Variants in HABP2 observed in about 807,000 individuals in gnomAD.
HABP2 encodes factor VII-activating protease.
HABP2 carries 65 observed loss-of-function variants against 66.5 expected under a neutral mutation model. That is an observed-to-expected ratio of 0.98 (90% confidence interval 0.80 to 1.20). The LOEUF (loss-of-function observed/expected upper bound fraction) is 1.20. HABP2 is among the 50% of genes most tolerant of loss of function. HABP2 has a pLI of 0.00. For missense variants in HABP2, 786 were observed against 691.0 expected (o/e 1.14, Z -1.54); for synonymous variants, 263 against 253.9 (o/e 1.04, Z -0.34).
At chr10:113,571,073 G>T (rs1054922939) in intron 2 of HABP2, among the ~76,000 whole-genome samples, 1 of 152,124 alleles carries the variant, frequency 6.6e-6, no homozygotes, top group Non-Finnish European at 1.5e-5. Flanking sequence ...CCTGTGTGTC[G>T]GTTTGTTATT....
At position 113,588,978 on chromosome 10, in the gene HABP2, C is replaced by T. The variant is rs1377072402; in HGVS notation, c.*609C>T. The T allele has an allele frequency of 1.9e-6, 3 of 1,612,846 alleles. No individual in the cohort carries two copies. In the Admixed American group the frequency reaches 5.0e-5, roughly 27 times the overall value. ...CAGGAATCAGGGTGGACATGGCTCA[C>T]AACAGCAGGGCCTTCTTCTTTTTGA... On this transcript the variant is annotated 3_prime_UTR_variant, in exon 13 of 13. Coordinates refer to ENST00000351270, the MANE Select transcript of HABP2 (RefSeq NM_004132.5).
rs759883557 is a variant in HABP2 at position 113,576,046 on chromosome 10, A to G, written c.331+42A>G. Reference sequence around the variant, plus strand: ...TAGTCCACTCTTCCCTCTGAGTTAAACAAGAGGCAGTCCTTTCTGTGTGAG... The same window carrying G: ...TAGTCCACTCTTCCCTCTGAGTTAAGCAAGAGGCAGTCCTTTCTGTGTGAG... On this transcript the variant is annotated intron_variant, in intron 4 of 12. Transcript: ENST00000351270. 2.9e-6 allele frequency: 3 copies of G among 1,048,272 alleles called. No homozygotes were observed. The South Asian group carries it at 3.8e-5, about 13-fold the overall frequency. 64.9% of individuals were successfully genotyped at this position (1,048,272 alleles called of 1,614,324 possible). A position where few individuals can be genotyped will look rare whatever the true frequency, so the allele number is the denominator to read the frequency against.
At position 113,558,792 on chromosome 10, in the gene HABP2, G is replaced by C. The variant is rs1167269628; in HGVS notation, c.69+5602G>C. ...TGACTGACCAAAAAGGGAAACATGG[G>C]GGCTTGTGCTTATGAGGCGGCCCCA... On this transcript the variant is annotated intron_variant, in intron 1 of 12. Transcript: ENST00000351270. 2.0e-5 allele frequency among the ~76,000 whole-genome samples: 3 copies of C among 152,288 alleles called. No individual in the cohort carries two copies. In the East Asian group the frequency reaches 5.8e-4, roughly 29 times the overall value.
intron 2 of HABP2, among the ~76,000 whole-genome samples, chr10:113,568,151 A>G (rs1022878843): frequency 4.6e-5 from 7 of 152,194 alleles, no homozygotes; most frequent in Admixed American, 1.3e-4. Context: ...TGCGCAAGCT[A>G]AGCAGGGCCA....
intron 5 of HABP2, among the ~76,000 whole-genome samples, chr10:113,577,622 A>G (rs1482226762): frequency 6.6e-6 from 1 of 152,196 alleles, no homozygotes; most frequent in Non-Finnish European, 1.5e-5. Context: ...TTCTCCAAAG[A>G]CACCTCAAGG....
chr10:113,579,497 A>G (rs565753875), intron 7 of HABP2, among the ~76,000 whole-genome samples: 12 of 152,352 alleles, frequency 7.9e-5, no homozygotes, highest in African/African-American at 2.9e-4. Flanking sequence ...TTCTAGGCAG[A>G]GATGGAGAAG....
chr10:113,576,774 C>T (rs756652480), intron 4 of HABP2, among the ~76,000 whole-genome samples: 43 of 152,118 alleles, frequency 2.8e-4, no homozygotes, highest in Admixed American at 4.6e-4. Context: ...TTGAGAATAT[C>T]GAGTATAAAC....
At position 113,568,008 on chromosome 10, in the gene HABP2, A is replaced by C. The variant is rs112364037; in HGVS notation, c.106+483A>C. 5.8e-3 allele frequency among the ~76,000 whole-genome samples: 884 copies of C among 152,308 alleles called. 5 individuals carry two copies. The highest frequency in any genetic ancestry group is 0.02 in the African/African-American group (842 of 41,570). On this transcript the variant is annotated intron_variant, in intron 2 of 12. Coordinates refer to ENST00000351270, the MANE Select transcript of HABP2 (RefSeq NM_004132.5). ...ACCTCTGCTGTTGTCTTCTCTGCCCAAATGGTTTGCTTCCTCAGGCTCGAC... is the reference window on the plus strand; with the variant it reads ...ACCTCTGCTGTTGTCTTCTCTGCCCCAATGGTTTGCTTCCTCAGGCTCGAC...
intron 1 of HABP2, among the ~76,000 whole-genome samples, chr10:113,559,512 C>T (rs1448248251): frequency 6.6e-6 from 1 of 152,194 alleles, no homozygotes; most frequent in Non-Finnish European, 1.5e-5. Context: ...AGAAGCTTCA[C>T]ACCCAAGAGA....
At position 113,567,771 on chromosome 10, in the gene HABP2, C is replaced by G. The variant is rs7068166; in HGVS notation, c.106+246C>G. 0.32 allele frequency among the ~76,000 whole-genome samples: 47,925 copies of G among 151,936 alleles called. 7,858 individuals are homozygous for G. Among genetic ancestry groups the G allele is most frequent in the Non-Finnish European group, 0.38 (25,799 of 67,922 alleles). On this transcript the variant is annotated intron_variant, in intron 2 of 12. Transcript: ENST00000351270. ...TCCCAAGGGAAATACTGCCTACGTA[C>G]TTAAAACCCTTGATTTTATAAAGAA...
At chr10:113,583,852 C>G (rs1208808939) in intron 10 of HABP2, among the ~76,000 whole-genome samples, 1 of 152,216 alleles carries the variant, frequency 6.6e-6, no homozygotes, top group Non-Finnish European at 1.5e-5. Context: ...GAGACACCCC[C>G]CCACCTCTCT....
intron 2 of HABP2, among the ~76,000 whole-genome samples, chr10:113,570,807 C>T (rs1000729073): frequency 5.9e-5 from 9 of 152,172 alleles, no homozygotes; most frequent in African/African-American, 1.4e-4. Context: ...AAAATAAATC[C>T]GTCAATCACA....
chr10:113,574,673 G>A lies in HABP2; in HGVS notation c.223+268G>A, dbSNP rs113128445. ...GAGCTGACTTGGCCAAGGTCATGCA[G>A]CAAGTTAATGCAGCATTGTCCAGGT... On this transcript the variant is annotated intron_variant, in intron 3 of 12. Transcript: ENST00000351270. Among the ~76,000 whole-genome samples the A allele has an allele frequency of 8.4e-3, 1,273 of 152,314 alleles. 16 individuals carry two copies. Among genetic ancestry groups the A allele is most frequent in the African/African-American group, 0.029 (1,185 of 41,558 alleles).
upstream of HABP2, among the ~76,000 whole-genome samples, chr10:113,552,323 A>G (rs1844912432): frequency 6.6e-6 from 1 of 152,228 alleles, no homozygotes; most frequent in Non-Finnish European, 1.5e-5. Flanking sequence ...AAAGAGATCA[A>G]TTGTGTCCAC....
chr10:113,584,339 A>C, intron 11 of HABP2, 57 bp downstream of exon 11: 1 of 1,494,312 alleles, frequency 6.7e-7, no homozygotes. Flanking sequence ...CCAGAGAAGA[A>C]AGGCCAAACT....
chr10:113,562,547 C>G (rs3824791), intron 1 of HABP2, among the ~76,000 whole-genome samples: 4 of 150,970 alleles, frequency 2.6e-5, no homozygotes, highest in Admixed American at 2.0e-4. Flanking sequence ...CAGGTTCAAG[C>G]GATTCTTGTG....
chr10:113,575,809 G>A, intron 3 of HABP2, 88 bp from the exon 4 acceptor site: 1 of 740,262 alleles, frequency 1.4e-6, no homozygotes, highest in South Asian at 1.6e-5. Context: ...ATTTGGGGCA[G>A]GAGACTGAAA....
intron 7 of HABP2, among the ~76,000 whole-genome samples, chr10:113,580,086 A>ATT (rs34006976): frequency 3.7e-5 from 5 of 134,268 alleles, no homozygotes; most frequent in African/African-American, 1.1e-4. Flanking sequence ...GGCCATGAAG[A>ATT]TTTTTTTTTT....
chr10:113,585,895 T>A lies in HABP2; in HGVS notation c.1475T>A (p.Ile492Asn), dbSNP rs141525947. ...LYDHMIDDSMICAGNLQKPGQ... is the reference protein window; with the variant it reads ...LYDHMIDDSMNCAGNLQKPGQ... ...GACCACATGATTGATGACAGTATGA[T>A]CTGTGCAGGAAATCTTCAGAAACCT... The change falls in exon 12 of 13, where the codon ATC becomes AAC. Residue 492 changes from isoleucine (I) to asparagine (N), a missense_variant. Ile to Asn is a moderately radical substitution (Grantham distance 149, BLOSUM62 -3). Coordinates refer to ENST00000351270, the MANE Select transcript of HABP2 (RefSeq NM_004132.5). 455 of 1,613,908 alleles carry A rather than the reference T, an allele frequency of 2.8e-4. No homozygotes were observed. Among genetic ancestry groups the A allele is most frequent in the Non-Finnish European group, 3.5e-4 (418 of 1,179,766 alleles).
Sources: allele counts gnomAD v4.1 joint callset (sites outside exome capture counted in the v4.1 genomes callset), GRCh38; gene constraint gnomAD v4.1.1; transcripts MANE v1.5; gene names NCBI Gene and HGNC (gene_info 2026-07-23, HGNC 2026-07-21).